Variants in NSMCE1 observed in about 807,000 individuals in gnomAD.
NSMCE1 encodes the protein non-structural maintenance of chromosomes element 1 homolog.
Under a neutral mutation model 29.6 loss-of-function variants are expected in NSMCE1, and 18 were observed. That is an observed-to-expected ratio of 0.61 (90% confidence interval 0.42 to 0.90). The LOEUF is 0.90. Ranked by LOEUF, NSMCE1 falls within the 40% of genes least tolerant of loss-of-function variation. The pLI is 0.00. For synonymous variants in NSMCE1, 124 were observed against 133.4 expected (o/e 0.93, Z 0.49); for missense variants, 314 against 343.6 (o/e 0.91, Z 0.68).
chr16:27,226,398 C>T lies in NSMCE1; in HGVS notation c.600+322G>A, dbSNP rs1393627379. 8 of 313,478 alleles carry T rather than the reference C, an allele frequency of 2.6e-5. No homozygotes were observed. The South Asian group carries it at 4.0e-4, about 16-fold the overall frequency. The allele number at this position is 313,478 out of a possible 1,614,324, so 19.4% of individuals were successfully genotyped here. On this transcript the variant is annotated intron_variant, in intron 6 of 7. Transcript: ENST00000361439. ...TAAGACCACTCCAGAAAGCAGCAAT[C>T]GACAAGAGACACTCACTACAAAACT...
At chr16:27,251,275 C>T (rs1421953414) in intron 2 of NSMCE1, among the ~76,000 whole-genome samples, 3 of 146,932 alleles carry the variant, frequency 2.0e-5, no homozygotes, top group Non-Finnish European at 4.5e-5. Flanking sequence ...TCCCCTGCTA[C>T]TTAGGATCCC....
chr16:27,241,598 A>T, intron 2 of NSMCE1: 2 of 174,802 alleles, frequency 1.1e-5, no homozygotes, highest in South Asian at 2.0e-4. Flanking sequence ...CCGCCTGGGG[A>T]AAAAGATTCT....
chr16:27,250,200 G>A (rs535316802), intron 2 of NSMCE1, among the ~76,000 whole-genome samples: 1 of 152,168 alleles, frequency 6.6e-6, no homozygotes, highest in African/African-American at 2.4e-5. Context: ...CATGTTGTCT[G>A]TGAACTGACA....
intron 2 of NSMCE1, among the ~76,000 whole-genome samples, chr16:27,255,995 G>T (rs2084082911): frequency 6.6e-6 from 1 of 152,166 alleles, no homozygotes; most frequent in South Asian, 2.1e-4. Context: ...ACCCTTTCTG[G>T]TGTCCCTTCG....
At chr16:27,255,562 T>C (rs1175349760) in intron 2 of NSMCE1, among the ~76,000 whole-genome samples, 1 of 152,208 alleles carries the variant, frequency 6.6e-6, no homozygotes, top group Non-Finnish European at 1.5e-5. Context: ...CAGGCTAACT[T>C]GTTCCTGGCA....
intron 2 of NSMCE1, among the ~76,000 whole-genome samples, chr16:27,242,582 T>C (rs368271449): frequency 6.6e-6 from 1 of 152,302 alleles, no homozygotes; most frequent in African/African-American, 2.4e-5. Flanking sequence ...CTATGCAGCA[T>C]CTATGGGACC....
In NSMCE1 at chr16:27,232,626, A is replaced by G. The variant is rs1177080837; in HGVS notation, c.483+375T>C. On this transcript the variant is annotated intron_variant, in intron 5 of 7. Transcript: ENST00000361439. The surrounding 1 kb of genome is among the most constrained non-coding windows in gnomAD (Gnocchi z 4.5). Reference sequence around the variant, plus strand: ...CAACGACTCCCCTCTTACAAGGAACATGAGGTCACCTGGCTCAGGGTTCAG... The same window carrying G: ...CAACGACTCCCCTCTTACAAGGAACGTGAGGTCACCTGGCTCAGGGTTCAG... Among the ~76,000 whole-genome samples, 1 of 152,242 alleles carries G rather than the reference A, an allele frequency of 6.6e-6. No homozygotes were observed. The highest frequency in any genetic ancestry group is 1.5e-5 in the Non-Finnish European group (1 of 68,038).
At chr16:27,249,110 G>A (rs1031241227) in intron 2 of NSMCE1, among the ~76,000 whole-genome samples, 6 of 152,208 alleles carry the variant, frequency 3.9e-5, no homozygotes, top group Non-Finnish European at 8.8e-5. Context: ...GATTACAGGT[G>A]TGAGCCACCA....
chr16:27,265,197 T>A, intron 1 of NSMCE1, among the ~76,000 whole-genome samples: 1 of 125,986 alleles, frequency 7.9e-6, no homozygotes, highest in African/African-American at 2.9e-5. Flanking sequence ...AGACAGGGTC[T>A]CACTCTGTTG....
At chr16:27,229,754 T>C (rs1183258983) in intron 5 of NSMCE1, among the ~76,000 whole-genome samples, 1 of 152,136 alleles carries the variant, frequency 6.6e-6, no homozygotes, top group African/African-American at 2.4e-5. Context: ...CTTTTTTATA[T>C]TTTTAGTAGA....
At chr16:27,236,275 C>G (rs1335315947) in intron 2 of NSMCE1, among the ~76,000 whole-genome samples, 2 of 150,748 alleles carry the variant, frequency 1.3e-5, no homozygotes, top group Admixed American at 1.3e-4. Flanking sequence ...GCGTTGTGTC[C>G]CTTTTATGCT....
In NSMCE1 at chr16:27,234,153, C is replaced by T. The variant is rs377117969; in HGVS notation, c.336+35G>A. 2.2e-5 allele frequency: 31 copies of T among 1,393,424 alleles called. No individual in the cohort carries two copies. The African/African-American group carries it at 3.8e-4, about 17-fold the overall frequency. 86.3% of individuals were successfully genotyped at this position (1,393,424 alleles called of 1,614,324 possible). On this transcript the variant is annotated intron_variant, in intron 4 of 7. Coordinates refer to ENST00000361439, the MANE Select transcript of NSMCE1 (RefSeq NM_145080.4). The stretch of plus-strand genomic sequence containing the variant: ...GGAGACAGAACTTTCCCATAAGAAG[C>T]CCACCCAATGGGCAATGGGGATTAC...
chr16:27,267,696 T>C (rs923646241), intron 1 of NSMCE1, among the ~76,000 whole-genome samples: 5 of 151,852 alleles, frequency 3.3e-5, no homozygotes, highest in African/African-American at 1.2e-4. Flanking sequence ...AAGGTGAGGC[T>C]ATTTATGGTT....
At chr16:27,260,161 T>C (rs1209411482) in intron 1 of NSMCE1, among the ~76,000 whole-genome samples, 1 of 152,182 alleles carries the variant, frequency 6.6e-6, no homozygotes, top group Non-Finnish European at 1.5e-5. Flanking sequence ...GAAATGCTTC[T>C]ATCTTTAAAA....
At chr16:27,241,861 C>T (rs375267676) in intron 2 of NSMCE1, 23 of 455,366 alleles carry the variant, frequency 5.1e-5, no homozygotes, top group African/African-American at 4.2e-4. Flanking sequence ...GCTTCTCTTT[C>T]TCAGAGGTCA....
chr16:27,251,989 G>C (rs1032370917), intron 2 of NSMCE1, among the ~76,000 whole-genome samples: 15 of 152,162 alleles, frequency 9.9e-5, no homozygotes, highest in African/African-American at 3.4e-4. Context: ...AGCTCTGCCT[G>C]GGTTTCCCCT....
chr16:27,234,026 G>C (rs2083790753), intron 4 of NSMCE1, 162 bp downstream of exon 4: 1 of 608,352 alleles, frequency 1.6e-6, no homozygotes, highest in Admixed American at 2.9e-5. Context: ...GTTCCAGATG[G>C]GTAGACAGTG....
intron 2 of NSMCE1, among the ~76,000 whole-genome samples, chr16:27,236,834 G>A (rs917940168): frequency 4.6e-5 from 7 of 152,144 alleles, no homozygotes; most frequent in East Asian, 1.9e-4. Flanking sequence ...CAAGGCCATC[G>A]CCAGGAAGGG....
Position 27,248,385 on chromosome 16 carries a change from G to A in NSMCE1, c.136+9050C>T, listed in dbSNP as rs542181446. Among the ~76,000 whole-genome samples, 5 of 148,326 alleles carry A rather than the reference G, an allele frequency of 3.4e-5. 1 individual carries two copies. The East Asian group carries it at 9.9e-4, about 29-fold the overall frequency. ...CCATTTTAATACACATGCAGTGGTA[G>A]CTCACTGCGGTTTTAGTTTGCTTTT... is the stretch of plus-strand genomic sequence containing the variant. On this transcript the variant is annotated intron_variant, in intron 2 of 7. Transcript: ENST00000361439.
Sources: allele counts gnomAD v4.1 joint callset (sites outside exome capture counted in the v4.1 genomes callset), GRCh38; gene constraint gnomAD v4.1.1; non-coding constraint Gnocchi (gnomAD v3.1); transcripts MANE v1.5; gene names NCBI Gene and HGNC (gene_info 2026-07-23, HGNC 2026-07-21).